The following DSCAML1 variants were observed in gnomAD, a reference collection of about 807,000 sequenced individuals.
DSCAML1 encodes the protein cell adhesion molecule DSCAML1.
Under a neutral mutation model 200.5 loss-of-function variants are expected in DSCAML1, and 38 were observed. The ratio of observed to expected loss-of-function variants is 0.19; its 90% confidence interval spans 0.15 to 0.25. The LOEUF is 0.25. Among genes scored for constraint, DSCAML1 ranks in the 10% least tolerant of loss-of-function variants. DSCAML1 has a pLI of 1.00. For synonymous variants in DSCAML1, 1,215 were observed against 1,165.0 expected (o/e 1.04, Z -0.87); for missense variants, 2,223 against 2,858.8 (o/e 0.78, Z 5.07).
In DSCAML1 at chr11:117,780,105, C is replaced by A. The variant is rs553697722; in HGVS notation, c.364+388G>T. ...TCTCACCACTGCACTCCAGTCTGGG[C>A]GACAGAGTGAGGCTCTGTCTCAAAA... is the stretch of plus-strand genomic sequence containing the variant. On this transcript the variant is annotated intron_variant, in intron 2 of 32. Coordinates refer to ENST00000651296, the MANE Select transcript of DSCAML1 (RefSeq NM_020693.4). The surrounding 1 kb of genome is among the most constrained non-coding windows in gnomAD (Gnocchi z 4.8). 1.4e-5 allele frequency among the ~76,000 whole-genome samples: 2 copies of A among 140,024 alleles called. No homozygotes were observed. The highest frequency in any genetic ancestry group is 1.5e-5 in the Non-Finnish European group (1 of 65,894). The allele number at this position is 140,024 out of a possible 152,430, so 91.9% of individuals were successfully genotyped here.
intron 1 of DSCAML1, among the ~76,000 whole-genome samples, chr11:117,795,958 C>T (rs1052999736): frequency 6.6e-6 from 1 of 152,212 alleles, no homozygotes; most frequent in Non-Finnish European, 1.5e-5. Flanking sequence ...GAGGGCTGAA[C>T]AGGTGACGCT....
At chr11:117,512,142 TC>T (rs1466403529) in intron 8 of DSCAML1, among the ~76,000 whole-genome samples, 3 of 152,134 alleles carry the variant, frequency 2.0e-5, no homozygotes, top group Non-Finnish European at 4.4e-5. Context: ...ATCTCACACT[TC>T]CGGTGCTCTG....
intron 12 of DSCAML1, 70 bp from the exon 13 acceptor site, chr11:117,481,340 G>A (rs2048911885): frequency 1.3e-6 from 2 of 1,496,740 alleles, no homozygotes; most frequent in Non-Finnish European, 1.9e-6. Context: ...GTCAGCTGAA[G>A]GGGTCACTCC....
intron 1 of DSCAML1, among the ~76,000 whole-genome samples, chr11:117,816,808 G>GGGGGGGC (rs1555038478): frequency 7.8e-6 from 1 of 128,110 alleles, no homozygotes; most frequent in African/African-American, 2.6e-5. Flanking sequence ...TGGGGGGGTG[G>GGGGGGGC]GGTGGAGATT....
Position 117,608,922 on chromosome 11 carries a change from C to T in DSCAML1, c.512-76400G>A, listed in dbSNP as rs544045657. 2.0e-5 allele frequency among the ~76,000 whole-genome samples: 3 copies of T among 151,964 alleles called. No homozygotes were observed. The East Asian group carries it at 5.8e-4, about 29-fold the overall frequency. ...GTGGCTTACACTTGTAATCCCAGCA[C>T]TTGGGAGGCTGAGGTGGGCGGATCA... On this transcript the variant is annotated intron_variant, in intron 3 of 32. Transcript: ENST00000651296.
At chr11:117,663,775 G>C (rs1351681656) in intron 3 of DSCAML1, among the ~76,000 whole-genome samples, 1 of 152,184 alleles carries the variant, frequency 6.6e-6, no homozygotes, top group Non-Finnish European at 1.5e-5. Flanking sequence ...TGAGTACAGG[G>C]GGGCTGGGGG....
intron 14 of DSCAML1, among the ~76,000 whole-genome samples, chr11:117,479,138 A>C (rs1483955544): frequency 6.6e-6 from 1 of 152,198 alleles, no homozygotes; most frequent in Non-Finnish European, 1.5e-5. Context: ...CAGGTGCTGG[A>C]AATGCAAAGG....
intron 3 of DSCAML1, among the ~76,000 whole-genome samples, chr11:117,673,110 A>G (rs2053144466): frequency 6.6e-6 from 1 of 152,034 alleles, no homozygotes; most frequent in Non-Finnish European, 1.5e-5. Flanking sequence ...GTAAACCCAG[A>G]GTACCTTCTT....
chr11:117,482,209 C>G, intron 11 of DSCAML1, 47 bp from the exon 12 acceptor site: 1 of 1,607,184 alleles, frequency 6.2e-7, no homozygotes. Context: ...GGGAGACCAG[C>G]CTGGAGGAGG....
At chr11:117,781,705 G>A (rs995717941) in intron 1 of DSCAML1, among the ~76,000 whole-genome samples, 1 of 152,198 alleles carries the variant, frequency 6.6e-6, no homozygotes, top group Non-Finnish European at 1.5e-5. Context: ...CACTTGGATC[G>A]TCTGCTCCTT....
chr11:117,670,547 A>G (rs2137668664), intron 3 of DSCAML1, among the ~76,000 whole-genome samples: 1 of 152,178 alleles, frequency 6.6e-6, no homozygotes, highest in African/African-American at 2.4e-5. Flanking sequence ...GGAATGACAG[A>G]CTCAGATTCA....
chr11:117,580,904 A>G (rs773707213), intron 3 of DSCAML1, among the ~76,000 whole-genome samples: 5 of 152,220 alleles, frequency 3.3e-5, no homozygotes, highest in Non-Finnish European at 7.3e-5. Flanking sequence ...CAGATTAAAG[A>G]ACAATGAGGA....
At chr11:117,777,685 C>A (rs947422739) in intron 2 of DSCAML1, among the ~76,000 whole-genome samples, 1 of 152,066 alleles carries the variant, frequency 6.6e-6, no homozygotes, top group Non-Finnish European at 1.5e-5. Flanking sequence ...CCCTCCCTGA[C>A]CCCCAGACTT....
At chr11:117,690,049 G>A (rs1200366311) in intron 3 of DSCAML1, among the ~76,000 whole-genome samples, 3 of 152,086 alleles carry the variant, frequency 2.0e-5, no homozygotes, top group Non-Finnish European at 2.9e-5. Context: ...GCACCTAGTA[G>A]GCACTCCAGA....
chr11:117,506,343 C>T (rs1403069245), intron 8 of DSCAML1, among the ~76,000 whole-genome samples: 2 of 152,100 alleles, frequency 1.3e-5, no homozygotes, highest in Non-Finnish European at 2.9e-5. Context: ...CCAGATCCTC[C>T]TACCAATAAT....
At chr11:117,810,458 C>T (rs941781797) in intron 1 of DSCAML1, among the ~76,000 whole-genome samples, 3 of 152,050 alleles carry the variant, frequency 2.0e-5, no homozygotes, top group African/African-American at 4.8e-5. Flanking sequence ...TATTTCCGTG[C>T]CCCAACCCTT....
chr11:117,541,658 A>G (rs1488646936), intron 3 of DSCAML1, among the ~76,000 whole-genome samples: 1 of 152,218 alleles, frequency 6.6e-6, no homozygotes, highest in East Asian at 1.9e-4. Flanking sequence ...TGGAGCTAAC[A>G]GAAGAGAAAA....
intron 3 of DSCAML1, among the ~76,000 whole-genome samples, chr11:117,728,157 T>C (rs1288133452): frequency 1.2e-4 from 19 of 152,044 alleles, no homozygotes; most frequent in Non-Finnish European, 2.6e-4. Flanking sequence ...ATACAACACA[T>C]CCATAGAATA....
chr11:117,757,061 G>A (rs927192439), intron 3 of DSCAML1, among the ~76,000 whole-genome samples: 1 of 152,176 alleles, frequency 6.6e-6, no homozygotes, highest in Admixed American at 6.5e-5. Flanking sequence ...AGGGTGGGGA[G>A]TTGGCAGGAG....
Sources: gnomAD v4.1 joint callset for allele counts (sites outside exome capture counted in the v4.1 genomes callset) on GRCh38, gnomAD v4.1.1 for gene constraint, Gnocchi (gnomAD v3.1) non-coding constraint, MANE v1.5 for transcripts, NCBI Gene and HGNC (gene_info 2026-07-23, HGNC 2026-07-21) for gene names.